RBMS3: variants seen among roughly 807,000 people sequenced by gnomAD.
RBMS3 encodes RNA-binding motif, single-stranded-interacting protein 3.
Under a neutral mutation model 66.8 loss-of-function variants are expected in RBMS3, and 27 were observed. The ratio of observed to expected loss-of-function variants is 0.40; its 90% CI spans 0.30 to 0.56. The LOEUF is 0.56. Among genes scored for constraint, RBMS3 ranks in the 20% least tolerant of loss-of-function variants. The probability of loss-of-function intolerance (pLI) is 0.40; values close to 1 mark genes in which losing one functional copy is unlikely to be tolerated. For synonymous variants in RBMS3, 188 were observed against 183.0 expected (o/e 1.03, Z -0.22); for missense variants, 513 against 549.5 (o/e 0.93, Z 0.66).
chr3:29,399,963 A>G (rs890375435), intron 1 of RBMS3, among the ~76,000 whole-genome samples: 35 of 152,250 alleles, frequency 2.3e-4, no homozygotes, highest in African/African-American at 7.2e-4. Context: ...ATCAAATTCT[A>G]TACATGTGCC....
intron 3 of RBMS3, among the ~76,000 whole-genome samples, chr3:29,544,462 G>C (rs1311592095): frequency 6.6e-6 from 1 of 151,704 alleles, no homozygotes; most frequent in African/African-American, 2.4e-5. Context: ...GAAATTTTCA[G>C]AAATAAAAGA....
chr3:29,909,444 C>T (rs1046866014), intron 10 of RBMS3, among the ~76,000 whole-genome samples: 3 of 152,026 alleles, frequency 2.0e-5, no homozygotes, highest in African/African-American at 7.2e-5. Flanking sequence ...TATATAAAGT[C>T]ATTTTATATT....
At chr3:29,816,221 CAA>C (rs1178746026) in intron 6 of RBMS3, among the ~76,000 whole-genome samples, 1 of 151,658 alleles carries the variant, frequency 6.6e-6, no homozygotes, top group East Asian at 1.9e-4. Context: ...AAGGAAGAGA[CAA>C]AACACAGAAG....
chr3:29,997,421 G>A (rs1217462351), intron 14 of RBMS3, among the ~76,000 whole-genome samples: 1 of 149,302 alleles, frequency 6.7e-6, no homozygotes, highest in Non-Finnish European at 1.5e-5. Flanking sequence ...CATTTTATGA[G>A]GGCAGCATCA....
Position 29,868,931 on chromosome 3 carries a change from C to A in RBMS3, c.711C>A (p.Thr237=). ...QKKRQNQSKY[T]QNGRPWPREG... ...AGCGACAGAATCAAAGCAAATATAC[C>A]CAGAATGGGAGGCCTTGGCCCAGGG... The change falls in exon 7 of 15, where the codon ACC becomes ACA. Residue 237 remains threonine (T), a synonymous_variant. Transcript: ENST00000383767. 1 of 1,602,008 alleles carries A rather than the reference C, an allele frequency of 6.2e-7. No individual in the cohort carries two copies.
chr3:29,794,262 TC>T (rs2057104741), intron 6 of RBMS3, among the ~76,000 whole-genome samples: 2 of 152,130 alleles, frequency 1.3e-5, no homozygotes, highest in African/African-American at 4.8e-5. Flanking sequence ...TCTCAATTGT[TC>T]CTTAGCTCTC....
chr3:29,742,799 G>A (rs2054702254), intron 5 of RBMS3, among the ~76,000 whole-genome samples: 1 of 152,114 alleles, frequency 6.6e-6, no homozygotes, highest in Non-Finnish European at 1.5e-5. Flanking sequence ...GTTCTGTGAA[G>A]TTTCAGAATA....
chr3:29,558,454 T>C lies in RBMS3; in HGVS notation c.308-28660T>C, dbSNP rs149899193. Among the ~76,000 whole-genome samples the C allele has an allele frequency of 5.9e-5, 9 of 152,292 alleles. No individual in the cohort carries two copies. The East Asian group carries it at 1.5e-3, about 26-fold the overall frequency. ...TATTTTTAAATTATAAGAAAATAGA[T>C]TGAGATGCATTCAGAAACAAAAAAT... On this transcript the variant is annotated intron_variant, in intron 3 of 14. Coordinates refer to ENST00000383767, the MANE Select transcript of RBMS3 (RefSeq NM_001003793.3).
intron 1 of RBMS3, among the ~76,000 whole-genome samples, chr3:29,331,815 C>CTTTTTTTTTTT (rs11354452): frequency 1.3e-4 from 9 of 69,688 alleles, no homozygotes; most frequent in African/African-American, 3.1e-4. Flanking sequence ...AGGATAGCTC[C>CTTTTTTTTTTT]TTTTTTTTTT....
At chr3:29,394,910 ACT>A (rs1484472169) in intron 1 of RBMS3, among the ~76,000 whole-genome samples, 1 of 152,000 alleles carries the variant, frequency 6.6e-6, no homozygotes, top group Admixed American at 6.6e-5. Flanking sequence ...TGTTGGGAAC[ACT>A]CTTTCCTCAC....
intron 1 of RBMS3, among the ~76,000 whole-genome samples, chr3:29,431,364 C>G (rs1486933384): frequency 1.4e-5 from 2 of 142,448 alleles, no homozygotes; most frequent in African/African-American, 5.3e-5. Context: ...GCAATCTCGG[C>G]TCACTGCAAC....
At chr3:29,505,368 A>T in intron 3 of RBMS3, among the ~76,000 whole-genome samples, 1 of 151,884 alleles carries the variant, frequency 6.6e-6, no homozygotes, top group Non-Finnish European at 1.5e-5. Flanking sequence ...ATTGACTGTA[A>T]TCACATGGAT....
At chr3:29,670,794 T>C (rs2050964851) in intron 4 of RBMS3, among the ~76,000 whole-genome samples, 1 of 152,280 alleles carries the variant, frequency 6.6e-6, no homozygotes, top group African/African-American at 2.4e-5. Context: ...CAAGGAGGCC[T>C]GCCTGCCTTT....
chr3:29,652,396 C>G (rs187157116), intron 4 of RBMS3, among the ~76,000 whole-genome samples: 1 of 152,036 alleles, frequency 6.6e-6, no homozygotes, highest in African/African-American at 2.4e-5. Context: ...CTCCAAAGCA[C>G]GTAGAACCTA....
chr3:29,829,003 TTTC>T (rs2058286677), intron 6 of RBMS3, among the ~76,000 whole-genome samples: 1 of 140,614 alleles, frequency 7.1e-6, no homozygotes, highest in African/African-American at 2.7e-5. Context: ...TCTTTCTTTC[TTTC>T]TTTCTTTCTT....
chr3:29,794,692 A>C (rs2057124637), intron 6 of RBMS3, among the ~76,000 whole-genome samples: 1 of 152,204 alleles, frequency 6.6e-6, no homozygotes, highest in African/African-American at 2.4e-5. Flanking sequence ...TTGAGACTGT[A>C]AGTGAATCAT....
intron 1 of RBMS3, among the ~76,000 whole-genome samples, chr3:29,400,273 A>G (rs1056825983): frequency 6.6e-6 from 1 of 152,128 alleles, no homozygotes; most frequent in Admixed American, 6.6e-5. Flanking sequence ...ACATGCTACA[A>G]TATGATGAAC....
chr3:29,911,746 A>G (rs116782742), intron 10 of RBMS3, among the ~76,000 whole-genome samples: 2,663 of 152,148 alleles, frequency 0.018, 80 homozygotes, highest in African/African-American at 0.06. Flanking sequence ...ATAAAGTAAG[A>G]TGATAGAGAT....
intron 2 of RBMS3, among the ~76,000 whole-genome samples, chr3:29,486,903 G>T (rs182397940): frequency 1.2e-4 from 19 of 152,174 alleles, no homozygotes; most frequent in African/African-American, 3.9e-4. Flanking sequence ...GTGTAAGATA[G>T]TTATACCTGA....
Sources: gnomAD v4.1 joint callset for allele counts (sites outside exome capture counted in the v4.1 genomes callset) on GRCh38, gnomAD v4.1.1 for gene constraint, MANE v1.5 for transcripts, NCBI Gene and HGNC (gene_info 2026-07-23, HGNC 2026-07-21) for gene names.